The following CTNNA2 variants were observed in gnomAD, a reference collection of about 807,000 sequenced individuals.
CTNNA2 encodes catenin alpha-2.
Under a neutral mutation model 101.0 loss-of-function variants are expected in CTNNA2, and 42 were observed. The observed-to-expected ratio is 0.42, with a 90% CI of 0.32 to 0.54. The LOEUF is 0.54. Among genes scored for constraint, CTNNA2 ranks in the 20% least tolerant of loss-of-function variants. CTNNA2 has a pLI of 0.14. For missense variants in CTNNA2, 871 were observed against 1,223.1 expected (o/e 0.71, Z 4.29); for synonymous variants, 450 against 456.4 (o/e 0.99, Z 0.18).
At chr2:79,873,373 A>C (rs1348401119) in intron 5 of CTNNA2, among the ~76,000 whole-genome samples, 2 of 152,246 alleles carry the variant, frequency 1.3e-5, no homozygotes, top group Non-Finnish European at 1.5e-5. Flanking sequence ...GAGCCACTGA[A>C]TAAGAAAACT....
intron 7 of CTNNA2, among the ~76,000 whole-genome samples, chr2:80,229,381 A>G (rs897624341): frequency 2.2e-4 from 33 of 152,080 alleles, no homozygotes; most frequent in African/African-American, 6.5e-4. Context: ...TCAGAGGTCC[A>G]CATAATCTTC....
chr2:79,602,124 G>GT lies in CTNNA2; in HGVS notation c.-5-49427dup, dbSNP rs1392816389. ...TGCACCGTCTTAAAGTTGAAAGATC[G>GT]TAAGTTGAACCATCCTAAGCCAGAG... On this transcript the variant is annotated intron_variant, in intron 1 of 18. Transcript: ENST00000402739. Among the ~76,000 whole-genome samples, 14 of 152,278 alleles carry GT rather than the reference G, an allele frequency of 9.2e-5. No homozygotes were observed. In the South Asian group the frequency reaches 2.5e-3, roughly 27 times the overall value.
At chr2:80,394,128 A>G (rs995365851) in intron 8 of CTNNA2, among the ~76,000 whole-genome samples, 1 of 152,216 alleles carries the variant, frequency 6.6e-6, no homozygotes, top group Non-Finnish European at 1.5e-5. Flanking sequence ...GCTAAAACCA[A>G]CCACTGCCAT....
intron 7 of CTNNA2, among the ~76,000 whole-genome samples, chr2:80,205,094 A>C (rs1163552436): frequency 6.6e-6 from 1 of 152,230 alleles, no homozygotes; most frequent in South Asian, 2.1e-4. Flanking sequence ...TATGTGAGCT[A>C]CAAGATGAGA....
At chr2:79,468,867 C>T (rs1020597731) in intron 4 of CTNNA2, among the ~76,000 whole-genome samples, 6 of 152,244 alleles carry the variant, frequency 3.9e-5, no homozygotes, top group South Asian at 4.1e-4. Flanking sequence ...ATCTCTGGGA[C>T]GCATTGAAAG....
chr2:80,271,174 A>G (rs1231148152), intron 7 of CTNNA2, among the ~76,000 whole-genome samples: 1 of 152,240 alleles, frequency 6.6e-6, no homozygotes, highest in Admixed American at 6.5e-5. Context: ...TATATCTAAT[A>G]GCAATAAAGA....
chr2:79,916,741 G>A (rs1686251713), intron 7 of CTNNA2, among the ~76,000 whole-genome samples: 1 of 151,596 alleles, frequency 6.6e-6, no homozygotes. Flanking sequence ...TCCTGCCTCA[G>A]CCTCCCGAGT....
intron 6 of CTNNA2, among the ~76,000 whole-genome samples, chr2:79,906,162 C>G (rs1306067695): frequency 2.6e-5 from 4 of 152,096 alleles, no homozygotes; most frequent in Non-Finnish European, 5.9e-5. Flanking sequence ...ATCCACTCCA[C>G]CCATGCATAC....
intron 1 of CTNNA2, among the ~76,000 whole-genome samples, chr2:79,643,994 A>G (rs1257933526): frequency 2.0e-5 from 3 of 151,796 alleles, no homozygotes; most frequent in African/African-American, 2.4e-5. Context: ...TATCTCTATC[A>G]TGTTCTCTTC....
chr2:79,655,828 C>CAA (rs34282777), intron 2 of CTNNA2, among the ~76,000 whole-genome samples: 2 of 136,250 alleles, frequency 1.5e-5, no homozygotes. Flanking sequence ...GACTCCATCT[C>CAA]AAAAAAAAAA....
intron 6 of CTNNA2, among the ~76,000 whole-genome samples, chr2:79,902,788 G>A (rs1185613484): frequency 3.9e-5 from 6 of 151,942 alleles, no homozygotes; most frequent in African/African-American, 1.5e-4. Context: ...CACCATGCCC[G>A]GCTAATTTTT....
chr2:80,614,206 A>T (rs1306788162), intron 17 of CTNNA2, among the ~76,000 whole-genome samples: 1 of 151,442 alleles, frequency 6.6e-6, no homozygotes, highest in Non-Finnish European at 1.5e-5. Flanking sequence ...AGGGGAGGTG[A>T]TTGCATATAC....
At chr2:79,343,235 T>C (rs1177253350) in intron 3 of CTNNA2, among the ~76,000 whole-genome samples, 4 of 152,148 alleles carry the variant, frequency 2.6e-5, no homozygotes, top group African/African-American at 7.2e-5. Flanking sequence ...ATTTATCTCA[T>C]GTAATATTAA....
rs1324542762 is a variant in CTNNA2, at chr2:80,204,172, C to CA, written c.1057-189038dup. Reference sequence around the variant, plus strand: ...GAGGGGCTGCCGCAAAGTTCTCTAACATGCCCTGGAGATATTTTCCCCATT... The same window carrying CA: ...GAGGGGCTGCCGCAAAGTTCTCTAACAATGCCCTGGAGATATTTTCCCCATT... On this transcript the variant is annotated intron_variant, in intron 7 of 18. Transcript: ENST00000402739. 1.2e-4 allele frequency among the ~76,000 whole-genome samples: 18 copies of CA among 152,366 alleles called. 1 individual carries two copies. In the South Asian group the frequency reaches 3.7e-3, roughly 32 times the overall value.
chr2:79,963,913 C>A (rs1301923935), intron 7 of CTNNA2, among the ~76,000 whole-genome samples: 1 of 152,142 alleles, frequency 6.6e-6, no homozygotes, highest in African/African-American at 2.4e-5. Context: ...GTTTCTATTT[C>A]TGTATCTATC....
chr2:80,491,883 C>G (rs1408383491), intron 9 of CTNNA2, among the ~76,000 whole-genome samples: 1 of 152,046 alleles, frequency 6.6e-6, no homozygotes, highest in Non-Finnish European at 1.5e-5. Flanking sequence ...AGAGCCAACC[C>G]GTATACTCCA....
chr2:80,545,127 A>C, intron 10 of CTNNA2, 53 bp downstream of exon 10: 1 of 1,541,414 alleles, frequency 6.5e-7, no homozygotes, highest in Non-Finnish European at 8.9e-7. Flanking sequence ...TCTCCACTCC[A>C]GCCCTTGTGC....
chr2:79,251,100 A>AGAGTT (rs767652479), intron 2 of CTNNA2, among the ~76,000 whole-genome samples: 122 of 152,300 alleles, frequency 8.0e-4, no homozygotes, highest in Middle Eastern at 3.4e-3. Context: ...AAACCACAGT[A>AGAGTT]CAGTTCAGTT....
At chr2:79,598,029 T>C (rs540954867) in intron 1 of CTNNA2, among the ~76,000 whole-genome samples, 1 of 152,352 alleles carries the variant, frequency 6.6e-6, no homozygotes, top group South Asian at 2.1e-4. Context: ...GTATGGAATG[T>C]CATACAGTTA....
Sources: allele counts gnomAD v4.1 joint callset (sites outside exome capture counted in the v4.1 genomes callset), GRCh38; gene constraint gnomAD v4.1.1; transcripts MANE v1.5; gene names NCBI Gene and HGNC (gene_info 2026-07-23, HGNC 2026-07-21).